TENM2: variants seen among roughly 807,000 people sequenced by gnomAD.
The protein encoded by TENM2 is teneurin transmembrane protein 2, also known as teneurin-2.
In TENM2, 52 loss-of-function variants were observed where a neutral mutation model predicts 245.2. The ratio of observed to expected loss-of-function variants is 0.21; its 90% confidence interval spans 0.17 to 0.27. The LOEUF is 0.27. Among genes scored for constraint, TENM2 ranks in the 10% least tolerant of loss-of-function variants. TENM2 has a pLI of 1.00. For missense variants in TENM2, 3,046 were observed against 3,666.8 expected, an observed-to-expected ratio of 0.83 and a Z score of 4.37; for synonymous variants, 1,363 against 1,438.9, an observed-to-expected ratio of 0.95 and a Z score of 1.19.
At chr5:167,084,364 T>TAC in the TENM2 span, among the ~76,000 whole-genome samples, 2 of 111,152 alleles carry the variant, frequency 1.8e-5, no homozygotes, top group Non-Finnish European at 4.0e-5. Context: ...TATATATATA[T>TAC]ATACAGATCA....
chr5:167,104,663 G>A, the TENM2 span, among the ~76,000 whole-genome samples: 2 of 152,154 alleles, frequency 1.3e-5, no homozygotes, highest in Non-Finnish European at 2.9e-5. Flanking sequence ...GAATTTTGAT[G>A]TTTTTATGGG....
At chr5:167,541,585 A>T (rs1701422758) in intron 2 of TENM2, among the ~76,000 whole-genome samples, 4 of 152,192 alleles carry the variant, frequency 2.6e-5, no homozygotes, top group Admixed American at 1.3e-4. Context: ...AAATAGTAGG[A>T]CTGGCTTCTA....
chr5:167,324,613 C>T (rs748994024), intron 1 of TENM2, among the ~76,000 whole-genome samples: 49 of 151,350 alleles, frequency 3.2e-4, no homozygotes, highest in Non-Finnish European at 6.3e-4. Context: ...TAGTTGAATC[C>T]TTCTTTCAAG....
chr5:167,798,788 A>G (rs1765497549), intron 2 of TENM2, among the ~76,000 whole-genome samples: 1 of 152,174 alleles, frequency 6.6e-6, no homozygotes, highest in Non-Finnish European at 1.5e-5. Context: ...GATCTTAATT[A>G]TGCTGCTTGT....
At chr5:167,991,776 G>A (rs1361743743) in intron 4 of TENM2, among the ~76,000 whole-genome samples, 2 of 152,192 alleles carry the variant, frequency 1.3e-5, no homozygotes, top group Non-Finnish European at 2.9e-5. Flanking sequence ...CAGGAATCAG[G>A]ATTTCACGGG....
intron 2 of TENM2, among the ~76,000 whole-genome samples, chr5:167,726,461 C>A (rs1413866765): frequency 2.6e-5 from 4 of 151,950 alleles, no homozygotes; most frequent in Non-Finnish European, 5.9e-5. Context: ...TATTTATTTA[C>A]TTATTTATTA....
At chr5:167,594,081 T>C (rs546787455) in intron 2 of TENM2, among the ~76,000 whole-genome samples, 5 of 152,330 alleles carry the variant, frequency 3.3e-5, no homozygotes, top group Admixed American at 1.3e-4. Flanking sequence ...GAAATGAACA[T>C]TGTATAAAAT....
the TENM2 span, among the ~76,000 whole-genome samples, chr5:167,054,416 A>G: frequency 2.6e-5 from 4 of 152,170 alleles, no homozygotes; most frequent in African/African-American, 9.7e-5. Flanking sequence ...GATATAATAC[A>G]GTTTATTCAT....
At chr5:167,174,179 A>T in the TENM2 span, among the ~76,000 whole-genome samples, 1 of 151,812 alleles carries the variant, frequency 6.6e-6, no homozygotes, top group East Asian at 1.9e-4. Flanking sequence ...TCTCACAATG[A>T]ATTTCTGCGT....
chr5:168,215,221 C>G, exon 21 of TENM2: 2 of 1,613,814 alleles, frequency 1.2e-6, no homozygotes, highest in Middle Eastern at 1.6e-4. Context: ...TGATGAAGCC[C>G]GCTGCGGGGA....
At chr5:167,043,901 T>G in the TENM2 span, among the ~76,000 whole-genome samples, 2 of 151,928 alleles carry the variant, frequency 1.3e-5, no homozygotes, top group Non-Finnish European at 2.9e-5. Flanking sequence ...ACACCTGTAG[T>G]CCCAGCTACT....
intron 12 of TENM2, 138 bp from the exon 15 acceptor site, chr5:168,162,473 G>C: frequency 4.8e-6 from 4 of 829,242 alleles, no homozygotes; most frequent in Non-Finnish European, 7.6e-6. Context: ...CCCTGACTCT[G>C]TGGAAGGCAG....
intron 2 of TENM2, among the ~76,000 whole-genome samples, chr5:167,762,428 A>G (rs966497246): frequency 6.6e-6 from 1 of 152,198 alleles, no homozygotes; most frequent in African/African-American, 2.4e-5. Flanking sequence ...ATGGCCAATC[A>G]TATTCTAGAG....
rs138346461 is a variant in TENM2, at chr5:167,806,096, G to A, written c.503-69890G>A. Among the ~76,000 whole-genome samples the A allele has an allele frequency of 1.9e-4, 29 of 152,082 alleles. No individual in the cohort carries two copies. The South Asian group carries it at 3.7e-3, about 20-fold the overall frequency. ...ATTTAGGTAAGCCACCGGATGCCAC[G>A]GTAGGCTGTGAGAGGACTGAAGGTA... On this transcript the variant is annotated intron_variant, in intron 2 of 28. Transcript: ENST00000518659.
the TENM2 span, among the ~76,000 whole-genome samples, chr5:167,143,574 C>T: frequency 2.0e-5 from 3 of 152,122 alleles, no homozygotes; most frequent in Admixed American, 6.5e-5. Context: ...TATGAATATT[C>T]ACTGAGAGGG....
chr5:167,236,218 G>A, the TENM2 span, among the ~76,000 whole-genome samples: 19 of 152,066 alleles, frequency 1.2e-4, no homozygotes, highest in Non-Finnish European at 2.5e-4. Flanking sequence ...ATAATTTTAT[G>A]TTTCATCCAC....
chr5:167,767,373 A>G (rs1170543742), intron 2 of TENM2, among the ~76,000 whole-genome samples: 3 of 152,218 alleles, frequency 2.0e-5, no homozygotes. Flanking sequence ...AGAAGATACA[A>G]TGGTGGTTAC....
intron 1 of TENM2, among the ~76,000 whole-genome samples, chr5:167,365,406 T>C (rs1759986650): frequency 6.7e-6 from 1 of 149,246 alleles, no homozygotes. Flanking sequence ...TCAAATTAAG[T>C]AGAAATAAAT....
intron 12 of TENM2, among the ~76,000 whole-genome samples, chr5:168,132,380 G>A (rs189114439): frequency 9.2e-5 from 14 of 152,280 alleles, no homozygotes; most frequent in Admixed American, 2.0e-4. Flanking sequence ...TTAGATGGAA[G>A]CATTTTTTTG....
Sources: allele counts gnomAD v4.1 joint callset (sites outside exome capture counted in the v4.1 genomes callset), GRCh38; gene constraint gnomAD v4.1.1; transcripts MANE v1.5; gene names NCBI Gene and HGNC (gene_info 2026-07-23, HGNC 2026-07-21).